Variants in NAA25 observed in about 807,000 individuals in gnomAD.
The protein encoded by NAA25 is N-terminal acetyltransferase B complex subunit NAA25.
In NAA25, 30 loss-of-function variants were observed where a neutral mutation model predicts 132.5. The ratio of observed to expected loss-of-function variants is 0.23; its 90% confidence interval spans 0.17 to 0.31. The LOEUF (loss-of-function observed/expected upper bound fraction) is 0.31, where lower values mean the gene tolerates loss of function less well. Ranked by LOEUF, NAA25 falls within the 10% of genes least tolerant of loss-of-function variation. The probability of loss-of-function intolerance (pLI) is 1.00; values close to 1 mark genes in which losing one functional copy is unlikely to be tolerated. For synonymous variants in NAA25, 359 were observed against 401.9 expected, an observed-to-expected ratio of 0.89 and a Z score of 1.28; for missense variants, 771 against 1,150.4, an observed-to-expected ratio of 0.67 and a Z score of 4.77.
chr12:112,061,085 A>C (rs1314179429), intron 12 of NAA25, 96 bp downstream of exon 12: 14 of 913,370 alleles, frequency 1.5e-5, no homozygotes, highest in Admixed American at 2.2e-5. Flanking sequence ...TCCTTACAAA[A>C]CTCATTAAAA....
chr12:112,035,681 CTTTTT>C (rs11356583), intron 22 of NAA25, among the ~76,000 whole-genome samples: 1 of 138,270 alleles, frequency 7.2e-6, no homozygotes, highest in African/African-American at 2.7e-5. Flanking sequence ...CATCAACTTT[CTTTTT>C]TTTTTTTTTT....
chr12:112,094,872 C>T (rs140484770), intron 1 of NAA25, among the ~76,000 whole-genome samples: 36 of 152,078 alleles, frequency 2.4e-4, no homozygotes, highest in African/African-American at 8.2e-4. Context: ...GTTGGCCAGG[C>T]TAGTCTCGAA....
chr12:112,047,714 G>A lies in NAA25; in HGVS notation c.1957C>T (p.Arg653Ter), dbSNP rs757007450. The change falls in exon 17 of 24, where the codon CGA (arginine) becomes TGA (stop). Residue 653 changes from arginine to a stop codon, truncating the protein, a stop_gained. Coordinates refer to ENST00000261745, the MANE Select transcript of NAA25 (RefSeq NM_024953.4). LOFTEE classifies it high-confidence loss of function. ...AAAACATTTAAGTCTCTGTTGTCTC[G>A]CAAATCTTCCCATGGAATGTCATCT... ...EEDDIPWEDL[R>*]DNRDLNVFFS... 6.2e-7 allele frequency: 1 copy of A among 1,613,604 alleles called. No individual in the cohort carries two copies. Among genetic ancestry groups the A allele is most frequent in the Non-Finnish European group, 8.5e-7 (1 of 1,179,798 alleles).
intron 23 of NAA25, among the ~76,000 whole-genome samples, chr12:112,030,310 C>T (rs571357838): frequency 6.7e-6 from 1 of 148,554 alleles, no homozygotes; most frequent in African/African-American, 2.5e-5. Context: ...CTAGTTTGGA[C>T]ATAAAATCCC....
Position 112,033,213 on chromosome 12 carries a change from G to C in NAA25, c.2796+20C>G. The C allele has an allele frequency of 1.3e-6, 2 of 1,588,784 alleles. No individual in the cohort carries two copies. Among genetic ancestry groups the C allele is most frequent in the Non-Finnish European group, 1.7e-6 (2 of 1,168,390 alleles). On this transcript the variant is annotated intron_variant, in intron 23 of 23. Coordinates refer to ENST00000261745, the MANE Select transcript of NAA25 (RefSeq NM_024953.4). ...TTGTGTGTGTGTAGAAAACATTGCC[G>C]ATTGCCTACAATCTCTTACCGGTGA... is the stretch of plus-strand genomic sequence containing the variant.
chr12:112,108,674 C>T, intron 1 of NAA25, 42 bp downstream of exon 1: 1 of 1,434,912 alleles, frequency 7.0e-7, no homozygotes, highest in Non-Finnish European at 9.2e-7. Flanking sequence ...CGGCAGCCCT[C>T]GGCGCGTCGG....
At chr12:112,091,053 A>G (rs889632605) in intron 2 of NAA25, among the ~76,000 whole-genome samples, 189 bp from the exon 3 acceptor site, 3 of 152,052 alleles carry the variant, frequency 2.0e-5, no homozygotes, top group African/African-American at 7.3e-5. Context: ...ACATCACTTG[A>G]GCCCAGGAGT....
chr12:112,031,987 G>A (rs1291813801), intron 23 of NAA25, among the ~76,000 whole-genome samples: 1 of 149,920 alleles, frequency 6.7e-6, no homozygotes, highest in Non-Finnish European at 1.5e-5. Context: ...TTTTTGAGAC[G>A]GAGTCTCATT....
chr12:112,085,485 G>A (rs1036182580), intron 4 of NAA25, among the ~76,000 whole-genome samples: 1 of 152,060 alleles, frequency 6.6e-6, no homozygotes, highest in African/African-American at 2.4e-5. Context: ...TTTACAACCT[G>A]CTTGTCTCAA....
intron 1 of NAA25, among the ~76,000 whole-genome samples, chr12:112,105,236 T>C (rs889534448): frequency 6.6e-6 from 1 of 151,382 alleles, no homozygotes; most frequent in Non-Finnish European, 1.5e-5. Flanking sequence ...GATGGATGAC[T>C]TGAGCCTGGG....
At chr12:112,035,977 C>T (rs772459252) in intron 22 of NAA25, among the ~76,000 whole-genome samples, 1 of 152,190 alleles carries the variant, frequency 6.6e-6, no homozygotes, top group East Asian at 1.9e-4. Flanking sequence ...TGAACCGCAG[C>T]ACCCAGCCAA....
At chr12:112,078,306 T>G (rs1406466216) in intron 6 of NAA25, 40 bp from the exon 7 acceptor site, 2 of 1,399,228 alleles carry the variant, frequency 1.4e-6, no homozygotes, top group South Asian at 2.5e-5. Context: ...TCTGAAACTT[T>G]TCAATAATAA....
intron 22 of NAA25, 38 bp downstream of exon 22, chr12:112,039,191 G>C: frequency 7.7e-7 from 1 of 1,294,722 alleles, no homozygotes; most frequent in Non-Finnish European, 1.1e-6. Context: ...CATGTGGTCA[G>C]ATTGTTCCTT....
chr12:112,061,770 T>C (rs1385458935), intron 11 of NAA25, among the ~76,000 whole-genome samples: 1 of 151,514 alleles, frequency 6.6e-6, no homozygotes, highest in Non-Finnish European at 1.5e-5. Context: ...ACCAAAAAAT[T>C]AAAAAAAAAT....
intron 9 of NAA25, among the ~76,000 whole-genome samples, chr12:112,072,937 T>A (rs1482609381): frequency 6.6e-6 from 1 of 150,724 alleles, no homozygotes; most frequent in Non-Finnish European, 1.5e-5. Flanking sequence ...AGACCCCATC[T>A]CAAAAAGAAA....
intron 13 of NAA25, among the ~76,000 whole-genome samples, chr12:112,055,486 C>G (rs11066141): frequency 0.041 from 6,242 of 152,118 alleles, 282 homozygotes; most frequent in African/African-American, 0.11. Flanking sequence ...CTTGAGCCCA[C>G]AAGTTTGAGA....
At chr12:112,064,832 C>T (rs964251273) in intron 11 of NAA25, among the ~76,000 whole-genome samples, 3 of 151,112 alleles carry the variant, frequency 2.0e-5, no homozygotes, top group Non-Finnish European at 4.4e-5. Flanking sequence ...GTCGGGAGTT[C>T]GAGACCAGCC....
intron 22 of NAA25, among the ~76,000 whole-genome samples, chr12:112,036,878 T>C (rs940377228): frequency 2.7e-5 from 4 of 146,754 alleles, no homozygotes; most frequent in Admixed American, 2.0e-4. Context: ...TGTGTGTGCG[T>C]GTGTGTGTGT....
At chr12:112,108,581 G>A (rs983090698) in intron 1 of NAA25, 135 bp downstream of exon 1, 2 of 984,746 alleles carry the variant, frequency 2.0e-6, no homozygotes, top group Non-Finnish European at 2.5e-6. Flanking sequence ...CTGCGGCCTA[G>A]TGGCCCGCGC....
Sources: allele counts gnomAD v4.1 joint callset (sites outside exome capture counted in the v4.1 genomes callset), GRCh38; gene constraint gnomAD v4.1.1; transcripts MANE v1.5; gene names NCBI Gene and HGNC (gene_info 2026-07-23, HGNC 2026-07-21).